PCDHGA4: variants seen among roughly 807,000 people sequenced by gnomAD.
The protein encoded by PCDHGA4 is protocadherin gamma subfamily A, 4.
Under a neutral mutation model 54.6 loss-of-function variants are expected in PCDHGA4, and 38 were observed. The observed-to-expected ratio is 0.70, with a 90% confidence interval of 0.54 to 0.91. The LOEUF is 0.91. Ranked by LOEUF, PCDHGA4 falls within the 40% of genes least tolerant of loss-of-function variation. The probability of loss-of-function intolerance (pLI) is 0.00; values close to 1 mark genes in which losing one functional copy is unlikely to be tolerated. For synonymous variants in PCDHGA4, 511 were observed against 512.9 expected (o/e 1.00, Z 0.05); for missense variants, 1,298 against 1,220.9 (o/e 1.06, Z -0.94).
At position 141,355,093 on chromosome 5, in the gene PCDHGA4, G is replaced by C; in HGVS notation, c.-15G>C. Reference sequence around the variant, plus strand: ...TGAAAGCTTCAAGCGGAAGCCCTGAGAGCTCTGGCTGTGAATGCACTTTAT... The same window carrying C: ...TGAAAGCTTCAAGCGGAAGCCCTGACAGCTCTGGCTGTGAATGCACTTTAT... On this transcript the variant is annotated 5_prime_UTR_variant, in exon 1 of 4. Coordinates refer to ENST00000571252, the MANE Select transcript of PCDHGA4 (RefSeq NM_018917.4). The C allele has an allele frequency of 6.7e-7, 1 of 1,483,692 alleles. No individual in the cohort carries two copies. The allele number at this position is 1,483,692 out of a possible 1,614,324, so 91.9% of individuals were successfully genotyped here. A position where few individuals can be genotyped will look rare whatever the true frequency, so the allele number is the denominator to read the frequency against.
chr5:141,357,256 G>C lies in PCDHGA4; in HGVS notation c.2149G>C (p.Asp717His). The C allele has an allele frequency of 6.2e-7, 1 of 1,613,738 alleles. No homozygotes were observed. The highest frequency in any genetic ancestry group is 1.7e-5 in the Admixed American group (1 of 60,028). The change falls in exon 1 of 4, where the codon GAC becomes CAC. Residue 717 changes from aspartate to histidine, a missense_variant. Physicochemically the swap from Asp to His is moderately conservative, Grantham distance 81. Coordinates refer to ENST00000571252, the MANE Select transcript of PCDHGA4 (RefSeq NM_018917.4). ...GSLKPSADPD[D>H]SGLTLYLVVA... ...CCTCAAGCCTTCAGCAGACCCAGAC[G>C]ACTCGGGCCTCACACTCTATCTCGT...
rs1183309479 is a variant in PCDHGA4 at position 141,404,628 on chromosome 5, C to G, written c.2514+47007C>G. 1.9e-6 allele frequency: 3 copies of G among 1,614,100 alleles called. No homozygotes were observed. In the South Asian group the frequency reaches 3.3e-5, roughly 18 times the overall value. Reference sequence around the variant, plus strand: ...TTTGTTTTGGACCAGAATGACAATGCCCCAGAAATCCTGTACCCTGCCCTC... The same window carrying G: ...TTTGTTTTGGACCAGAATGACAATGGCCCAGAAATCCTGTACCCTGCCCTC... On this transcript the variant is annotated intron_variant, in intron 1 of 3. Transcript: ENST00000571252.
At chr5:141,364,862 TTC>T in intron 1 of PCDHGA4, 3 of 1,613,988 alleles carry the variant, frequency 1.9e-6, no homozygotes, top group Non-Finnish European at 2.5e-6. Context: ...CAATCTGCAC[TTC>T]TCTCTGGATG....
At position 141,487,578 on chromosome 5, in the gene PCDHGA4, C is replaced by T. The variant is rs1293087014; in HGVS notation, c.2515-7229C>T. The T allele has an allele frequency of 1.2e-6, 2 of 1,614,052 alleles. No individual in the cohort carries two copies. Among genetic ancestry groups the T allele is most frequent in the Non-Finnish European group, 1.7e-6 (2 of 1,180,044 alleles). ...CCTATGGCAGGGGAGCCTGTTCGCC[C>T]AAGCTGCCCACCCTCTGATCTTCTC... On this transcript the variant is annotated intron_variant, in intron 1 of 3. Coordinates refer to ENST00000571252, the MANE Select transcript of PCDHGA4 (RefSeq NM_018917.4). The surrounding 1 kb of genome is among the most constrained non-coding windows in gnomAD (Gnocchi z 5.0).
At chr5:141,375,593 T>A (rs922478028) in intron 1 of PCDHGA4, 5 of 1,614,142 alleles carry the variant, frequency 3.1e-6, no homozygotes, top group Non-Finnish European at 4.2e-6. Context: ...CCTGTCCTCC[T>A]ACGTGTCCAT....
At chr5:141,381,823 C>CTTTT (rs1777506241) in intron 1 of PCDHGA4, among the ~76,000 whole-genome samples, 2 of 101,602 alleles carry the variant, frequency 2.0e-5, no homozygotes, top group Non-Finnish European at 3.9e-5. Context: ...TTTCTTTCTT[C>CTTTT]TTCTTTTTTT....
chr5:141,400,054 C>T, intron 1 of PCDHGA4: 2 of 1,613,622 alleles, frequency 1.2e-6, no homozygotes, highest in Non-Finnish European at 1.7e-6. Flanking sequence ...GGTTGCTGTG[C>T]GTGATGGTGG....
rs775989253 is a variant in PCDHGA4 at position 141,491,769 on chromosome 5, G to A, written c.2515-3038G>A. On this transcript the variant is annotated intron_variant, in intron 1 of 3. Transcript: ENST00000571252. The surrounding 1 kb of genome is among the most constrained non-coding windows in gnomAD (Gnocchi z 6.9). ...CTGGAGAAGCCGCCCGTCCTCATAA[G>A]GGATTGAACTTGCATCCACTCCTCT... 6.4e-7 allele frequency: 1 copy of A among 1,562,376 alleles called. No homozygotes were observed. Among genetic ancestry groups the A allele is most frequent in the African/African-American group, 1.4e-5 (1 of 73,058 alleles).
intron 1 of PCDHGA4, chr5:141,427,807 A>C (rs1443881781): frequency 6.6e-7 from 1 of 1,522,050 alleles, no homozygotes; most frequent in South Asian, 1.1e-5. Flanking sequence ...GTGAGCGCAC[A>C]GAGCGGGGTG....
Position 141,489,101 on chromosome 5 carries a change from T to C in PCDHGA4, c.2515-5706T>C. The C allele has an allele frequency of 2.5e-6, 1 of 398,412 alleles. No homozygotes were observed. The highest frequency in any genetic ancestry group is 4.3e-5 in the South Asian group (1 of 23,096). The allele number at this position is 398,412 out of a possible 1,614,324, so 24.7% of individuals were successfully genotyped here. A position where few individuals can be genotyped will look rare whatever the true frequency, so the allele number is the denominator to read the frequency against. ...CCGCCACTCGGTGACTAAGAACTGC[T>C]GCAAGCAGGCAAACCTCCGAGCAGT... On this transcript the variant is annotated intron_variant, in intron 1 of 3. Coordinates refer to ENST00000571252, the MANE Select transcript of PCDHGA4 (RefSeq NM_018917.4). The surrounding 1 kb of genome is among the most constrained non-coding windows in gnomAD (Gnocchi z 4.5).
intron 1 of PCDHGA4, chr5:141,385,540 G>T: frequency 1.5e-6 from 2 of 1,323,840 alleles, no homozygotes; most frequent in Non-Finnish European, 1.9e-6. Context: ...ATGAATATGT[G>T]GACTATCACA....
rs148119281 is a variant in PCDHGA4, at chr5:141,511,006, C to T, written c.2722C>T (p.Arg908Cys). The T allele has an allele frequency of 3.5e-5, 56 of 1,614,078 alleles. No individual in the cohort carries two copies. Among genetic ancestry groups the T allele is most frequent in the African/African-American group, 5.3e-5 (4 of 74,922 alleles). The change falls in exon 4 of 4, where the codon CGC (arginine) becomes TGC (cysteine). Residue 908 changes from arginine to cysteine, a missense_variant. By Grantham distance (180) the Arg-to-Cys change is radical. Transcript: ENST00000571252. Reference protein sequence around the residue: ...GGAGTMGLSARYGPQFTLQHV... With the variant: ...GGAGTMGLSACYGPQFTLQHV... ...TGCCGGCACCATGGGATTGAGCGCC[C>T]GCTACGGACCCCAGTTCACCCTGCA...
rs760319541 is a variant in PCDHGA4, at chr5:141,477,772, C to T, written c.2515-17035C>T. 1.2e-6 allele frequency: 2 copies of T among 1,614,026 alleles called. No homozygotes were observed. Among genetic ancestry groups the T allele is most frequent in the South Asian group, 1.1e-5 (1 of 91,088 alleles). ...CCCCGGTCCTAGCCACCAACATCAGCGTGAACATATTTGTCACTGATCGCA... is the reference window on the plus strand; with the variant it reads ...CCCCGGTCCTAGCCACCAACATCAGTGTGAACATATTTGTCACTGATCGCA... On this transcript the variant is annotated intron_variant, in intron 1 of 3. Coordinates refer to ENST00000571252, the MANE Select transcript of PCDHGA4 (RefSeq NM_018917.4). This position sits in a 1 kb window ranked among gnomAD's most constrained non-coding sequence, Gnocchi z 4.9.
intron 1 of PCDHGA4, chr5:141,364,932 A>G (rs1447586286): frequency 6.2e-7 from 1 of 1,613,886 alleles, no homozygotes. Context: ...CAGCCCCTAG[A>G]CCGCGAGAAA....
intron 1 of PCDHGA4, chr5:141,370,202 A>G (rs1766737926): frequency 3.7e-6 from 2 of 546,378 alleles, no homozygotes; most frequent in Non-Finnish European, 6.3e-6. Context: ...GCTGTGCAAA[A>G]TATTGGCTCC....
rs773703641 is a variant in PCDHGA4, at chr5:141,477,856, G to A, written c.2515-16951G>A. On this transcript the variant is annotated intron_variant, in intron 1 of 3. Transcript: ENST00000571252. The surrounding 1 kb of genome is among the most constrained non-coding windows in gnomAD (Gnocchi z 4.9). ...CAGGTGGGAGCTCGGTGGAGATGCT[G>A]CCTCGAGGTACCTCAGCTGGCCACC... is the stretch of plus-strand genomic sequence containing the variant. 6.2e-7 allele frequency: 1 copy of A among 1,613,592 alleles called. No homozygotes were observed. Among genetic ancestry groups the A allele is most frequent in the Admixed American group, 1.7e-5 (1 of 59,976 alleles).
chr5:141,360,013 A>G (rs1033161220), intron 1 of PCDHGA4: 60 of 1,245,546 alleles, frequency 4.8e-5, no homozygotes, highest in Non-Finnish European at 6.2e-5. Flanking sequence ...CCAACCACAC[A>G]GAGAAGGCCA....
At chr5:141,450,129 C>T (rs1211301953) in intron 1 of PCDHGA4, among the ~76,000 whole-genome samples, 1 of 151,472 alleles carries the variant, frequency 6.6e-6, no homozygotes, top group African/African-American at 2.4e-5. Context: ...GCCTTAGCCT[C>T]CTGAGTAGCT....
In PCDHGA4 at chr5:141,432,645, C is replaced by T. The variant is rs758701539; in HGVS notation, c.2515-62162C>T. On this transcript the variant is annotated intron_variant, in intron 1 of 3. Coordinates refer to ENST00000571252, the MANE Select transcript of PCDHGA4 (RefSeq NM_018917.4). The surrounding 1 kb of genome is among the most constrained non-coding windows in gnomAD (Gnocchi z 6.0). Reference sequence around the variant, plus strand: ...CTGCACACGGGCGAGGTGCGCACGGCGCGAGCCCTGCTGGACAGAGACGCG... The same window carrying T: ...CTGCACACGGGCGAGGTGCGCACGGTGCGAGCCCTGCTGGACAGAGACGCG... 1 of 1,613,746 alleles carries T rather than the reference C, an allele frequency of 6.2e-7. No homozygotes were observed. Among genetic ancestry groups the T allele is most frequent in the Admixed American group, 1.7e-5 (1 of 60,006 alleles).
Sources: allele counts gnomAD v4.1 joint callset (sites outside exome capture counted in the v4.1 genomes callset), GRCh38; gene constraint gnomAD v4.1.1; non-coding constraint Gnocchi (gnomAD v3.1); transcripts MANE v1.5; gene names NCBI Gene and HGNC (gene_info 2026-07-23, HGNC 2026-07-21).